MYO9B: variants seen among roughly 807,000 people sequenced by gnomAD.
MYO9B encodes myosin IXB, also known as unconventional myosin-IXb.
MYO9B carries 71 observed loss-of-function variants against 229.5 expected under a neutral mutation model. The ratio of observed to expected loss-of-function variants is 0.31; its 90% CI spans 0.26 to 0.38. The LOEUF (loss-of-function observed/expected upper bound fraction) is 0.38. Among genes scored for constraint, MYO9B ranks in the 10% least tolerant of loss-of-function variants. The pLI is 1.00. For missense variants in MYO9B, 2,255 were observed against 2,920.5 expected (o/e 0.77, Z 5.25); for synonymous variants, 1,185 against 1,235.8 (o/e 0.96, Z 0.86).
At position 17,131,876 on chromosome 19, in the gene MYO9B, AT is replaced by A. The variant is rs1290079347; in HGVS notation, c.841-13514del. On this transcript the variant is annotated intron_variant, in intron 2 of 39. Transcript: ENST00000682292. ...ACGAGGTTTTTAAAATTTTTCTTTA[AT>A]TTTTTTGGGGGGTGGGGCGGGGAAC... Among the ~76,000 whole-genome samples the A allele has an allele frequency of 1.4e-4, 19 of 138,380 alleles. 1 individual carries two copies. The South Asian group carries it at 4.1e-3, about 30-fold the overall frequency. The allele number at this position is 138,380 out of a possible 152,430, so 90.8% of individuals were successfully genotyped here.
At position 17,205,316 on chromosome 19, in the gene MYO9B, T is replaced by C. The variant is rs1449996362; in HGVS notation, c.5044T>C (p.Ser1682Pro). 1 of 1,613,796 alleles carries C rather than the reference T, an allele frequency of 6.2e-7. No individual in the cohort carries two copies. Among genetic ancestry groups the C allele is most frequent in the African/African-American group, 1.3e-5 (1 of 75,032 alleles). ...CGTGCACAAGATTCAGAGCCACTGC[T>C]CCTACACCTACGGGAGGAAGGTGAG... ...KCVHKIQSHC[S>P]YTYGRKGEPG... The change falls in exon 31 of 40, where the codon TCC becomes CCC. Residue 1682 changes from serine (S) to proline (P), a missense_variant. Physicochemically the swap from Ser to Pro is moderately conservative, Grantham distance 74 (BLOSUM62 -1). Coordinates refer to ENST00000682292, the MANE Select transcript of MYO9B (RefSeq NM_004145.4).
In MYO9B at chr19:17,210,790, G is replaced by A. The variant is rs369698985; in HGVS notation, c.5872G>A (p.Asp1958Asn). 24 of 1,590,172 alleles carry A rather than the reference G, an allele frequency of 1.5e-5. No individual in the cohort carries two copies. The African/African-American group carries it at 1.7e-4, about 12-fold the overall frequency. ...VLLEEEAAGGDEDREKEILIE... is the reference protein window; with the variant it reads ...VLLEEEAAGGNEDREKEILIE... ...GCTGGAGGAGGAGGCAGCCGGCGGC[G>A]ATGAGGACCGGGAAAAGGAGATTCT... Residue 1958 changes from aspartate (D) to asparagine (N), a missense_variant, in exon 38 of 40, where the codon GAT becomes AAT. By Grantham distance (23) the Asp-to-Asn change is conservative. Transcript: ENST00000682292.
At chr19:17,120,024 C>T (rs1444717276) in intron 2 of MYO9B, among the ~76,000 whole-genome samples, 3 of 152,184 alleles carry the variant, frequency 2.0e-5, no homozygotes, top group Non-Finnish European at 2.9e-5. Flanking sequence ...ATTAGCCAGG[C>T]GTGCTGGCGC....
rs371161173 is a variant in MYO9B at position 17,202,879 on chromosome 19, G to A, written c.4874G>A (p.Arg1625His). ...CAGAAGAAGAAGCGGAAGCAGGAGC[G>A]TGCTGTGAGTAGGCTGCACATAGAT... ...KAQKKKRKQERAVQEHNGHVF... is the reference protein window; with the variant it reads ...KAQKKKRKQEHAVQEHNGHVF... The change falls in exon 29 of 40, where the codon CGT (arginine) becomes CAT (histidine). Residue 1625 changes from arginine (R) to histidine (H), a missense_variant. Coordinates refer to ENST00000682292, the MANE Select transcript of MYO9B (RefSeq NM_004145.4). 48 of 1,601,324 alleles carry A rather than the reference G, an allele frequency of 3.0e-5. No homozygotes were observed. The highest frequency in any genetic ancestry group is 4.0e-5 in the African/African-American group (3 of 74,648).
At chr19:17,097,178 G>A (rs140541493) in intron 1 of MYO9B, among the ~76,000 whole-genome samples, 16 of 151,778 alleles carry the variant, frequency 1.1e-4, no homozygotes, top group Admixed American at 9.8e-4. Context: ...AAAATTAGCC[G>A]GGCATGGTGG....
At chr19:17,091,473 G>A (rs779973391) in intron 1 of MYO9B, among the ~76,000 whole-genome samples, 8 of 152,210 alleles carry the variant, frequency 5.3e-5, no homozygotes, top group Non-Finnish European at 1.0e-4. Flanking sequence ...TTGGGAGGCC[G>A]AGGTAGGAGG....
rs528673407 is a variant in MYO9B at position 17,172,085 on chromosome 19, A to C, written c.1794-251A>C. Among the ~76,000 whole-genome samples, 52 of 152,186 alleles carry C rather than the reference A, an allele frequency of 3.4e-4. No individual in the cohort carries two copies. The highest frequency in any genetic ancestry group is 7.1e-4 in the Non-Finnish European group (48 of 67,996). On this transcript the variant is annotated intron_variant, in intron 11 of 39. Transcript: ENST00000682292. This position sits in a 1 kb window ranked among gnomAD's most constrained non-coding sequence, Gnocchi z 8.2. ...CCAGCGTGTTCAGCATGAGGCAGGC[A>C]GGCACACCCAGATAGCAGCGTCCCA...
At chr19:17,162,847 C>A in intron 9 of MYO9B, 141 bp from the exon 10 acceptor site, 1 of 948,012 alleles carries the variant, frequency 1.1e-6, no homozygotes, top group Non-Finnish European at 1.5e-6. Context: ...GGATTCCATG[C>A]TGGTAATGGC....
intron 1 of MYO9B, among the ~76,000 whole-genome samples, chr19:17,097,538 A>G (rs1290372660): frequency 6.6e-6 from 1 of 152,208 alleles, no homozygotes; most frequent in Admixed American, 6.5e-5. Flanking sequence ...TACAGTATAT[A>G]TCTATTTCCC....
intron 2 of MYO9B, among the ~76,000 whole-genome samples, chr19:17,119,464 A>C (rs1260663100): frequency 6.6e-6 from 1 of 152,154 alleles, no homozygotes; most frequent in Non-Finnish European, 1.5e-5. Context: ...CTGAGGCAGC[A>C]GGGAGGCCGA....
intron 19 of MYO9B, among the ~76,000 whole-genome samples, chr19:17,189,880 G>A (rs1254975783): frequency 1.3e-5 from 2 of 151,810 alleles, no homozygotes; most frequent in South Asian, 2.1e-4. Flanking sequence ...TGGCTACCAC[G>A]GTGAAACCCC....
intron 14 of MYO9B, among the ~76,000 whole-genome samples, chr19:17,176,226 C>T (rs1023308853): frequency 3.9e-5 from 6 of 152,028 alleles, no homozygotes; most frequent in South Asian, 2.1e-4. Flanking sequence ...TAACTAGAGA[C>T]GGGGTTTCAC....
intron 2 of MYO9B, among the ~76,000 whole-genome samples, chr19:17,123,793 C>T (rs140676304): frequency 8.9e-4 from 136 of 152,212 alleles, no homozygotes; most frequent in African/African-American, 2.4e-3. Flanking sequence ...GATGTTAAGA[C>T]GCCCAAACCA....
chr19:17,089,732 A>G (rs1349333690), intron 1 of MYO9B, among the ~76,000 whole-genome samples: 2 of 152,144 alleles, frequency 1.3e-5, no homozygotes, highest in African/African-American at 4.8e-5. Context: ...CTGGTTTTAC[A>G]TAGCCATTTC....
rs369063873 is a variant in MYO9B at position 17,212,180 on chromosome 19, G to A, written c.6344G>A (p.Gly2115Glu). 1 of 1,581,036 alleles carries A rather than the reference G, an allele frequency of 6.3e-7. No individual in the cohort carries two copies. Among genetic ancestry groups the A allele is most frequent in the Non-Finnish European group, 8.6e-7 (1 of 1,165,000 alleles). ...DQIHSVYITP[G>E]ADLPVQGALE... ...ATACATTCCGTGTACATCACGCCCG[G>A]GGCAGACCTGCCAGTGCAGGGCGCC... Residue 2115 changes from glycine (G) to glutamate (E), a missense_variant, in exon 40 of 40, where the codon GGG (glycine) becomes GAG (glutamate). Transcript: ENST00000682292. This position sits in a 1 kb window ranked among gnomAD's most constrained non-coding sequence, Gnocchi z 5.4.
At chr19:17,124,434 C>CT (rs1294650524) in intron 2 of MYO9B, among the ~76,000 whole-genome samples, 4 of 152,000 alleles carry the variant, frequency 2.6e-5, no homozygotes, top group East Asian at 3.9e-4. Context: ...CTTCGTGGAA[C>CT]TTTTTTTTAA....
At chr19:17,141,847 C>G (rs1351278334) in intron 2 of MYO9B, among the ~76,000 whole-genome samples, 1 of 152,164 alleles carries the variant, frequency 6.6e-6, no homozygotes, top group East Asian at 1.9e-4. Flanking sequence ...GTGTGGACTC[C>G]TCAGTACAGA....
At chr19:17,111,025 A>G (rs909010112) in intron 2 of MYO9B, among the ~76,000 whole-genome samples, 1 of 151,988 alleles carries the variant, frequency 6.6e-6, no homozygotes, top group African/African-American at 2.4e-5. Context: ...ACCCACAGTC[A>G]GCACTGGGGT....
intron 1 of MYO9B, among the ~76,000 whole-genome samples, chr19:17,097,329 T>TAAA (rs10667866): frequency 4.0e-4 from 55 of 137,780 alleles, no homozygotes; most frequent in South Asian, 9.2e-4. Context: ...TCAAAAAAAT[T>TAAA]AAAAAAAAAA....
Sources: gnomAD v4.1 joint callset for allele counts (sites outside exome capture counted in the v4.1 genomes callset) on GRCh38, gnomAD v4.1.1 for gene constraint, Gnocchi (gnomAD v3.1) non-coding constraint, MANE v1.5 for transcripts, NCBI Gene and HGNC (gene_info 2026-07-23, HGNC 2026-07-21) for gene names.